The following FHL1 variants were observed in gnomAD, a reference collection of about 807,000 sequenced individuals.
The protein encoded by FHL1 is four and a half LIM domains 1.
A neutral mutation model predicts 20.3 loss-of-function variants in FHL1; 1 was observed. The ratio of observed to expected loss-of-function variants is 0.05; its 90% CI spans 0.02 to 0.23. The LOEUF (loss-of-function observed/expected upper bound fraction) is 0.23, where lower values mean the gene tolerates loss of function less well. Ranked by LOEUF, FHL1 falls within the 10% of genes least tolerant of loss-of-function variation. The pLI, the probability that FHL1 is intolerant of heterozygous loss-of-function variation, is 1.00. For missense variants in FHL1, 177 were observed against 234.0 expected (o/e 0.76, Z 1.59); for synonymous variants, 82 against 88.9 (o/e 0.92, Z 0.44).
At chrX:136,187,721 A>G (rs2073343012) in intron 2 of FHL1, among the ~76,000 whole-genome samples, 1 of 111,842 alleles carries the variant, frequency 8.9e-6, no homozygotes, top group African/African-American at 3.3e-5. Context: ...ATGCAGAGTG[A>G]TGGCTAAGAG....
At chrX:136,196,740 A>T (rs1267943235), upstream of FHL1, 2 of 1,015,701 alleles carry the variant, frequency 2.0e-6, no homozygotes, top group Non-Finnish European at 1.3e-6. Flanking sequence ...AAAGTGGATT[A>T]ATAAGGTTGG....
chrX:136,204,028 G>A (rs189613099), intron 1 of FHL1, among the ~76,000 whole-genome samples: 175 of 112,470 alleles, frequency 1.6e-3, no homozygotes, highest in African/African-American at 5.4e-3. Flanking sequence ...ACTAAATAGA[G>A]ACCTTGGTAA....
chrX:136,184,713 T>A (rs777562601), intron 2 of FHL1, among the ~76,000 whole-genome samples: 1 of 111,744 alleles, frequency 8.9e-6, no homozygotes, highest in East Asian at 2.8e-4. Flanking sequence ...GAAAATTGTG[T>A]GAGTCATATG....
chrX:136,176,114 T>A (rs770891678), intron 2 of FHL1, among the ~76,000 whole-genome samples: 1 of 112,344 alleles, frequency 8.9e-6, no homozygotes, highest in African/African-American at 3.2e-5. Flanking sequence ...TCTTGGTATA[T>A]ACCACATGAC....
At chrX:136,194,880 G>T (rs2073517613), upstream of FHL1, among the ~76,000 whole-genome samples, 1 of 111,225 alleles carries the variant, frequency 9.0e-6, no homozygotes, top group African/African-American at 3.3e-5. Context: ...GAGGACATCT[G>T]CAGTAGGGCC....
At chrX:136,209,170 C>T in intron 5 of FHL1, 1 of 1,069,831 alleles carries the variant, frequency 9.3e-7, no homozygotes, top group Non-Finnish European at 1.3e-6. Flanking sequence ...GGGCCCTTTC[C>T]CTTGCCTCCA....
At chrX:136,162,522 T>C (rs1462670886) in intron 1 of FHL1, among the ~76,000 whole-genome samples, 2 of 111,302 alleles carry the variant, frequency 1.8e-5, no homozygotes, top group Non-Finnish European at 3.8e-5. Flanking sequence ...TGATGTGTGT[T>C]TGTAGTCCCT....
At chrX:136,179,467 C>T (rs1038036090) in intron 2 of FHL1, among the ~76,000 whole-genome samples, 5 of 111,832 alleles carry the variant, frequency 4.5e-5, no homozygotes, top group Non-Finnish European at 9.4e-5. Context: ...CTTACTGGGG[C>T]AATCTAAGGC....
chrX:136,205,474 A>C (rs1603269816), intron 1 of FHL1, among the ~76,000 whole-genome samples: 2 of 111,996 alleles, frequency 1.8e-5, no homozygotes, highest in African/African-American at 6.5e-5. Context: ...GGAGGGTTTG[A>C]TTTTGGTCAC....
intron 2 of FHL1, among the ~76,000 whole-genome samples, chrX:136,172,031 A>G (rs1369931866): frequency 1.8e-5 from 2 of 110,753 alleles, no homozygotes; most frequent in Admixed American, 1.9e-4. Flanking sequence ...CTGGGATTAC[A>G]AGCGTCTCTA....
At chrX:136,192,644 G>A (rs2073455293), upstream of FHL1, among the ~76,000 whole-genome samples, 1 of 111,660 alleles carries the variant, frequency 9.0e-6, no homozygotes, top group Non-Finnish European at 1.9e-5. Context: ...CTTTGGGGAG[G>A]CTGAATTTCA....
intron 2 of FHL1, among the ~76,000 whole-genome samples, chrX:136,186,887 G>T (rs199668017): frequency 9.9e-4 from 10 of 10,070 alleles, no homozygotes; most frequent in African/African-American, 1.7e-3. Context: ...TATATAGATA[G>T]ATAGATAGAT....
chrX:136,175,552 A>G (rs1191171498), intron 2 of FHL1, among the ~76,000 whole-genome samples: 1 of 106,718 alleles, frequency 9.4e-6, no homozygotes, highest in Non-Finnish European at 2.0e-5. Context: ...GAGGACAAAA[A>G]GAAAGAATTT....
At chrX:136,152,719 C>CAAAAAAA (rs768022110) in intron 1 of FHL1, among the ~76,000 whole-genome samples, 1 of 53,002 alleles carries the variant, frequency 1.9e-5, no homozygotes, top group African/African-American at 8.2e-5. Context: ...GACTCCATCT[C>CAAAAAAA]AAAAAAAAAA....
At chrX:136,178,285 G>A (rs2073056876) in intron 2 of FHL1, among the ~76,000 whole-genome samples, 1 of 111,486 alleles carries the variant, frequency 9.0e-6, no homozygotes, top group Non-Finnish European at 1.9e-5. Flanking sequence ...AACAACTGTA[G>A]GGATCAATTT....
chrX:136,178,824 G>T (rs1255664412), intron 2 of FHL1, among the ~76,000 whole-genome samples: 2 of 106,326 alleles, frequency 1.9e-5, no homozygotes, highest in African/African-American at 6.9e-5. Flanking sequence ...ACGTGATCTT[G>T]CCTCACTGCA....
intron 1 of FHL1, among the ~76,000 whole-genome samples, chrX:136,158,051 GTATC>G (rs761048754): frequency 8.9e-6 from 1 of 111,840 alleles, no homozygotes; most frequent in Non-Finnish European, 1.9e-5. Flanking sequence ...GGTTTTATAT[GTATC>G]TATCTGTCTA....
chrX:136,190,353 C>T (rs2073404266), intron 2 of FHL1, among the ~76,000 whole-genome samples: 1 of 112,184 alleles, frequency 8.9e-6, no homozygotes, highest in Non-Finnish European at 1.9e-5. Flanking sequence ...TTAGGTAGAG[C>T]CTCTGCTTCC....
chrX:136,183,112 A>AAAAC (rs1157402537), intron 2 of FHL1, among the ~76,000 whole-genome samples: 16 of 97,951 alleles, frequency 1.6e-4, no homozygotes, highest in African/African-American at 5.4e-4. Context: ...AAAAAAACAA[A>AAAAC]AAACAAACAA....
Sources: gnomAD v4.1 joint callset for allele counts (sites outside exome capture counted in the v4.1 genomes callset) on GRCh38, gnomAD v4.1.1 for gene constraint, MANE v1.5 for transcripts, NCBI Gene and HGNC (gene_info 2026-07-23, HGNC 2026-07-21) for gene names.